The following HPSE2 variants were observed in gnomAD, a reference collection of about 807,000 sequenced individuals.
HPSE2 encodes heparanase 2 (inactive), also known as inactive heparanase-2.
HPSE2 carries 38 observed loss-of-function variants against 60.5 expected under a neutral mutation model. That is an observed-to-expected ratio of 0.63 (90% CI 0.48 to 0.82). The LOEUF (loss-of-function observed/expected upper bound fraction) is 0.82. Among genes scored for constraint, HPSE2 ranks in the 40% least tolerant of loss-of-function variants. The probability of loss-of-function intolerance (pLI) is 0.00; values close to 1 mark genes in which losing one functional copy is unlikely to be tolerated. For synonymous variants in HPSE2, 295 were observed against 293.2 expected (o/e 1.01, Z -0.06); for missense variants, 713 against 740.4 (o/e 0.96, Z 0.43).
At chr10:99,098,912 T>C (rs988045191) in intron 3 of HPSE2, among the ~76,000 whole-genome samples, 2 of 152,206 alleles carry the variant, frequency 1.3e-5, no homozygotes, top group South Asian at 2.1e-4. Context: ...CTGATTTTAA[T>C]ATAAGAGAAA....
intron 3 of HPSE2, among the ~76,000 whole-genome samples, chr10:99,035,115 A>C (rs1957581323): frequency 6.6e-6 from 1 of 152,174 alleles, no homozygotes; most frequent in Non-Finnish European, 1.5e-5. Flanking sequence ...TTCAATAACA[A>C]ATTAACCGTA....
rs1424492395 is a variant in HPSE2, at chr10:98,826,988, AT to A, written c.611-82933del. ...CATAGGAAGACCTCATCACTACAAA[AT>A]TTTTTTAAAAAATTAGCTGGGTGTC... On this transcript the variant is annotated intron_variant, in intron 3 of 11. Coordinates refer to ENST00000370552, the MANE Select transcript of HPSE2 (RefSeq NM_021828.5). 2.0e-5 allele frequency among the ~76,000 whole-genome samples: 3 copies of A among 151,886 alleles called. No homozygotes were observed. The East Asian group carries it at 5.9e-4, about 30-fold the overall frequency.
chr10:99,144,943 A>G (rs1845994430), intron 2 of HPSE2, among the ~76,000 whole-genome samples: 1 of 152,128 alleles, frequency 6.6e-6, no homozygotes, highest in Non-Finnish European at 1.5e-5. Flanking sequence ...GCTATTTTTC[A>G]TGTACCTCGA....
At chr10:98,970,335 A>G (rs1955920134) in intron 3 of HPSE2, among the ~76,000 whole-genome samples, 1 of 152,100 alleles carries the variant, frequency 6.6e-6, no homozygotes, top group African/African-American at 2.4e-5. Flanking sequence ...AAGGGATAGC[A>G]CCAAGCCATT....
chr10:98,871,710 A>G (rs998704819), intron 3 of HPSE2, among the ~76,000 whole-genome samples: 1 of 152,014 alleles, frequency 6.6e-6, no homozygotes, highest in Non-Finnish European at 1.5e-5. Context: ...AGGTTATTCC[A>G]AGCAGAAAAA....
chr10:98,744,107 A>C (rs1188276924), intron 3 of HPSE2, 51 bp from the exon 4 acceptor site: 1 of 1,543,402 alleles, frequency 6.5e-7, no homozygotes, highest in Admixed American at 1.8e-5. Flanking sequence ...CATTCCAACA[A>C]AAGGAAAATA....
intron 3 of HPSE2, among the ~76,000 whole-genome samples, chr10:98,966,711 G>C (rs1955823531): frequency 6.6e-6 from 1 of 152,146 alleles, no homozygotes; most frequent in Non-Finnish European, 1.5e-5. Context: ...TCTAATGCCT[G>C]ATAGCAGAGT....
At chr10:98,515,205 T>C (rs1441494358) in intron 9 of HPSE2, among the ~76,000 whole-genome samples, 1 of 152,038 alleles carries the variant, frequency 6.6e-6, no homozygotes, top group Non-Finnish European at 1.5e-5. Context: ...TAAGACAGGG[T>C]AGGATCCAGG....
intron 3 of HPSE2, among the ~76,000 whole-genome samples, chr10:99,136,082 G>A (rs548316734): frequency 2.5e-4 from 38 of 151,928 alleles, no homozygotes; most frequent in African/African-American, 4.1e-4. Flanking sequence ...ACAGAAATAC[G>A]AACTACCATC....
intron 3 of HPSE2, among the ~76,000 whole-genome samples, chr10:99,112,730 A>G (rs1844519007): frequency 6.6e-6 from 1 of 152,174 alleles, no homozygotes; most frequent in Non-Finnish European, 1.5e-5. Context: ...TTTTCTTCAT[A>G]CTAAGAAAAA....
chr10:99,243,950 A>T, the HPSE2 span, among the ~76,000 whole-genome samples: 2 of 152,168 alleles, frequency 1.3e-5, no homozygotes, highest in Admixed American at 1.3e-4. Context: ...ATAAAATAAA[A>T]TATTAATCTC....
At chr10:98,895,345 T>C (rs995232366) in intron 3 of HPSE2, among the ~76,000 whole-genome samples, 18 of 152,190 alleles carry the variant, frequency 1.2e-4, no homozygotes, top group Admixed American at 8.5e-4. Flanking sequence ...GCCTAAGATA[T>C]AGTTAGCCAG....
chr10:99,264,831 T>C, the HPSE2 span, among the ~76,000 whole-genome samples: 5 of 151,882 alleles, frequency 3.3e-5, no homozygotes, highest in Non-Finnish European at 5.9e-5. Context: ...CCAAAATCTT[T>C]CCTCAGTTTA....
At chr10:98,462,351 G>A (rs893234451) in intron 11 of HPSE2, among the ~76,000 whole-genome samples, 5 of 151,980 alleles carry the variant, frequency 3.3e-5, no homozygotes, top group African/African-American at 7.3e-5. Flanking sequence ...GCTAATTTTC[G>A]TATTTTTAGT....
chr10:98,690,401 C>T (rs1234984506), intron 6 of HPSE2, among the ~76,000 whole-genome samples: 4 of 151,994 alleles, frequency 2.6e-5, no homozygotes, highest in South Asian at 2.1e-4. Context: ...ATTAGCCTGG[C>T]GTGGTGGTGG....
chr10:98,955,635 T>C (rs573524310), intron 3 of HPSE2, among the ~76,000 whole-genome samples: 1 of 152,350 alleles, frequency 6.6e-6, no homozygotes, highest in South Asian at 2.1e-4. Flanking sequence ...TAAATCATTC[T>C]ATTATAAAGA....
At position 98,457,136 on chromosome 10, in the gene HPSE2, C is replaced by A. The variant is rs886497485; in HGVS notation, c.*2438G>T. The stretch of plus-strand genomic sequence containing the variant: ...TAAAAAATAAACAAAACTTAAATCT[C>A]GTGAGAGCAGCATTTAATACACAGA... On this transcript the variant is annotated 3_prime_UTR_variant, in exon 12 of 12. Transcript: ENST00000370552. 1 of 152,154 alleles carries A rather than the reference C, an allele frequency of 6.6e-6. No homozygotes were observed. Among genetic ancestry groups the A allele is most frequent in the African/African-American group, 2.4e-5 (1 of 41,428 alleles). 9.4% of individuals were successfully genotyped at this position (152,154 alleles called of 1,614,324 possible).
intron 3 of HPSE2, among the ~76,000 whole-genome samples, chr10:98,907,371 T>A (rs989997220): frequency 6.6e-6 from 1 of 152,202 alleles, no homozygotes; most frequent in Non-Finnish European, 1.5e-5. Context: ...TGCAGCAGCA[T>A]GTGCCTATAG....
At chr10:98,499,843 G>A (rs1393184245) in intron 9 of HPSE2, among the ~76,000 whole-genome samples, 1 of 152,158 alleles carries the variant, frequency 6.6e-6, no homozygotes, top group African/African-American at 2.4e-5. Flanking sequence ...TCATGCAAAT[G>A]GACACCAAAA....
Sources: allele counts gnomAD v4.1 joint callset (sites outside exome capture counted in the v4.1 genomes callset), GRCh38; gene constraint gnomAD v4.1.1; transcripts MANE v1.5; gene names NCBI Gene and HGNC (gene_info 2026-07-23, HGNC 2026-07-21).